The following TM9SF3 variants were observed in gnomAD, a reference collection of about 807,000 sequenced individuals.
TM9SF3 encodes transmembrane 9 superfamily member 3, also known as SM-11044-binding protein.
A neutral mutation model predicts 78.6 loss-of-function variants in TM9SF3; 14 were observed. The observed-to-expected ratio is 0.18, with a 90% CI of 0.12 to 0.28. The LOEUF (loss-of-function observed/expected upper bound fraction) is 0.28, where lower values mean the gene tolerates loss of function less well. Among genes scored for constraint, TM9SF3 ranks in the 10% least tolerant of loss-of-function variants. The pLI is 1.00. For missense variants in TM9SF3, 496 were observed against 721.9 expected, an observed-to-expected ratio of 0.69 and a Z score of 3.59; for synonymous variants, 231 against 241.7, an observed-to-expected ratio of 0.96 and a Z score of 0.41.
chr10:96,580,344 A>C (rs1239608754), intron 1 of TM9SF3, among the ~76,000 whole-genome samples: 4 of 151,902 alleles, frequency 2.6e-5, no homozygotes, highest in African/African-American at 7.3e-5. Flanking sequence ...CGGCTCACTG[A>C]AAGCTCCGCC....
At chr10:96,576,393 A>G (rs182791379) in intron 2 of TM9SF3, 79 of 294,746 alleles carry the variant, frequency 2.7e-4, no homozygotes, top group African/African-American at 1.6e-3. Flanking sequence ...TTTAGAGTCT[A>G]AAGTAGTGGT....
chr10:96,574,093 A>C (rs1196387307), intron 2 of TM9SF3, among the ~76,000 whole-genome samples: 1 of 152,232 alleles, frequency 6.6e-6, no homozygotes, highest in East Asian at 1.9e-4. Context: ...TAAACTAAAG[A>C]GCTTCTGCAT....
intron 9 of TM9SF3, 176 bp downstream of exon 9, chr10:96,543,900 C>G (rs559975854): frequency 7.0e-5 from 35 of 501,170 alleles, no homozygotes; most frequent in African/African-American, 6.7e-4. Context: ...TTAAACTTAA[C>G]CAAAATTTTA....
chr10:96,546,284 A>G (rs2134140312), intron 8 of TM9SF3, among the ~76,000 whole-genome samples: 1 of 152,328 alleles, frequency 6.6e-6, no homozygotes, highest in South Asian at 2.1e-4. Flanking sequence ...ACCAATCAGA[A>G]CATAATCTTT....
intron 1 of TM9SF3, among the ~76,000 whole-genome samples, chr10:96,583,841 C>T (rs1209327163): frequency 6.6e-6 from 1 of 152,086 alleles, no homozygotes; most frequent in East Asian, 1.9e-4. Flanking sequence ...CAAGACCAGC[C>T]TGGCCAACAT....
chr10:96,528,655 G>T (rs1357308917), intron 11 of TM9SF3, among the ~76,000 whole-genome samples: 1 of 152,096 alleles, frequency 6.6e-6, no homozygotes, highest in Admixed American at 6.6e-5. Context: ...TCAGAGGACA[G>T]CAAGGGAAAA....
chr10:96,533,638 T>C (rs762874746), intron 9 of TM9SF3, among the ~76,000 whole-genome samples: 1 of 152,188 alleles, frequency 6.6e-6, no homozygotes, highest in Non-Finnish European at 1.5e-5. Flanking sequence ...CAGAGAAGGA[T>C]AAGTAACTTC....
chr10:96,542,439 G>A (rs1342982180), intron 9 of TM9SF3, among the ~76,000 whole-genome samples: 1 of 152,048 alleles, frequency 6.6e-6, no homozygotes, highest in Non-Finnish European at 1.5e-5. Context: ...CTAATAATTT[G>A]TAATTATTAA....
At chr10:96,577,438 G>C (rs972623534) in intron 1 of TM9SF3, 6 of 152,090 alleles carry the variant, frequency 3.9e-5, no homozygotes, top group African/African-American at 1.2e-4. Context: ...ATATTTCTTT[G>C]AATAAGTAAT....
chr10:96,575,986 C>A, intron 2 of TM9SF3, among the ~76,000 whole-genome samples: 1 of 152,084 alleles, frequency 6.6e-6, no homozygotes, highest in East Asian at 1.9e-4. Context: ...AGTATTTTCC[C>A]CAAATTTAAC....
chr10:96,586,709 G>T, intron 1 of TM9SF3, 25 bp downstream of exon 1: 1 of 1,221,634 alleles, frequency 8.2e-7, no homozygotes, highest in South Asian at 3.8e-5. Context: ...AGCCCGGGGC[G>T]GCCGCGCCGG....
At chr10:96,576,866 A>G in intron 1 of TM9SF3, 37 bp from the exon 2 acceptor site, 1 of 1,441,878 alleles carries the variant, frequency 6.9e-7, no homozygotes, top group South Asian at 1.6e-5. Flanking sequence ...TAAAAAAAAA[A>G]AACACACTAA....
chr10:96,565,480 T>TAAA, intron 2 of TM9SF3, 54 bp from the exon 3 acceptor site: 10 of 1,223,062 alleles, frequency 8.2e-6, no homozygotes, highest in South Asian at 3.3e-5. Flanking sequence ...ATAGTTACAT[T>TAAA]AAAAAAAAAA....
intron 4 of TM9SF3, chr10:96,560,810 A>T (rs1226576437): frequency 5.5e-6 from 3 of 548,454 alleles, no homozygotes; most frequent in Non-Finnish European, 1.1e-5. Context: ...CACTAAGATC[A>T]AAAGGACAAA....
intron 9 of TM9SF3, 111 bp from the exon 10 acceptor site, chr10:96,533,301 T>C: frequency 7.6e-7 from 1 of 1,317,174 alleles, no homozygotes; most frequent in Non-Finnish European, 1.0e-6. Context: ...AATGTTTAAG[T>C]TCAATATGAG....
chr10:96,559,090 A>G (rs1848271329), intron 5 of TM9SF3, among the ~76,000 whole-genome samples: 1 of 152,138 alleles, frequency 6.6e-6, no homozygotes. Context: ...CCCATTCTTG[A>G]TGTTTCTTTC....
chr10:96,525,185 G>C (rs997799982), intron 14 of TM9SF3, among the ~76,000 whole-genome samples: 15 of 151,900 alleles, frequency 9.9e-5, no homozygotes, highest in African/African-American at 3.4e-4. Context: ...ATAAAATAAA[G>C]AGGAGTCCAG....
rs2134166742 is a variant in TM9SF3 at position 96,586,982 on chromosome 10, G to A, written c.-147C>T. On this transcript the variant is annotated 5_prime_UTR_variant, in exon 1 of 15. Coordinates refer to ENST00000371142, the MANE Select transcript of TM9SF3 (RefSeq NM_020123.4). ...GCCCGGCCCAGCCGCTGCCTCCTCTGCCGCCGCCGTCGCCGTCACCGCCCG... is the reference window on the plus strand; with the variant it reads ...GCCCGGCCCAGCCGCTGCCTCCTCTACCGCCGCCGTCGCCGTCACCGCCCG... 2 of 547,318 alleles carry A rather than the reference G, an allele frequency of 3.7e-6. No individual in the cohort carries two copies. The highest frequency in any genetic ancestry group is 1.2e-4 in the East Asian group (2 of 16,206). 33.9% of individuals were successfully genotyped at this position (547,318 alleles called of 1,614,324 possible). A position where few individuals can be genotyped will look rare whatever the true frequency, so the allele number is the denominator to read the frequency against.
chr10:96,524,513 A>G (rs1847816937), intron 14 of TM9SF3, among the ~76,000 whole-genome samples: 1 of 151,936 alleles, frequency 6.6e-6, no homozygotes, highest in African/African-American at 2.4e-5. Context: ...GCTTAAAATC[A>G]AAACAGTTTC....
Sources: allele counts gnomAD v4.1 joint callset (sites outside exome capture counted in the v4.1 genomes callset), GRCh38; gene constraint gnomAD v4.1.1; transcripts MANE v1.5; gene names NCBI Gene and HGNC (gene_info 2026-07-23, HGNC 2026-07-21).